The following FMNL2 variants were observed in gnomAD, a reference collection of about 807,000 sequenced individuals.
FMNL2 encodes the protein formin-like protein 2.
Under a neutral mutation model 130.2 loss-of-function variants are expected in FMNL2, and 51 were observed. The observed-to-expected ratio is 0.39, with a 90% CI of 0.31 to 0.49. The LOEUF (loss-of-function observed/expected upper bound fraction) is 0.49, where lower values mean the gene tolerates loss of function less well. Ranked by LOEUF, FMNL2 falls within the 20% of genes least tolerant of loss-of-function variation. FMNL2 has a pLI of 0.85. For synonymous variants in FMNL2, 465 were observed against 467.1 expected (o/e 1.00, Z 0.06); for missense variants, 977 against 1,316.2 (o/e 0.74, Z 3.99).
At chr2:152,531,053 G>A (rs773611103) in intron 2 of FMNL2, among the ~76,000 whole-genome samples, 1 of 152,066 alleles carries the variant, frequency 6.6e-6, no homozygotes, top group Non-Finnish European at 1.5e-5. Flanking sequence ...GCATCTTCAG[G>A]TACTAGAAAT....
intron 1 of FMNL2, among the ~76,000 whole-genome samples, chr2:152,482,320 T>A (rs1690571542): frequency 2.6e-5 from 4 of 152,346 alleles, no homozygotes; most frequent in Admixed American, 2.6e-4. Context: ...TAAATATTTA[T>A]CTTTTGGATA....
chr2:152,470,962 A>G (rs1689828527), intron 1 of FMNL2, among the ~76,000 whole-genome samples: 1 of 152,224 alleles, frequency 6.6e-6, no homozygotes, highest in Non-Finnish European at 1.5e-5. Flanking sequence ...TTTTTAAAAA[A>G]GAATTGGCCT....
intron 25 of FMNL2, chr2:152,643,457 C>T (rs761195171): frequency 5.2e-6 from 8 of 1,535,996 alleles, no homozygotes; most frequent in Admixed American, 2.0e-5. Context: ...CACCGCCAAG[C>T]GTGGCTCTCG....
intron 9 of FMNL2, among the ~76,000 whole-genome samples, chr2:152,598,398 C>T (rs1181425840): frequency 6.6e-6 from 1 of 152,100 alleles, no homozygotes; most frequent in Non-Finnish European, 1.5e-5. Flanking sequence ...TATTTAAATA[C>T]CATTCTCAGG....
At chr2:152,459,970 A>T (rs1302256511) in intron 1 of FMNL2, among the ~76,000 whole-genome samples, 1 of 152,174 alleles carries the variant, frequency 6.6e-6, no homozygotes. Context: ...AACATAGGAA[A>T]TTTTTTCATA....
chr2:152,472,720 G>A (rs1320665569), intron 1 of FMNL2, among the ~76,000 whole-genome samples: 1 of 152,118 alleles, frequency 6.6e-6, no homozygotes, highest in African/African-American at 2.4e-5. Context: ...CCAATTCCAG[G>A]GTCTCATTTG....
At chr2:152,378,898 G>A (rs1398533656) in intron 1 of FMNL2, among the ~76,000 whole-genome samples, 1 of 144,258 alleles carries the variant, frequency 6.9e-6, no homozygotes, top group Non-Finnish European at 1.5e-5. Flanking sequence ...TTAAGAGTGA[G>A]AAGAGGTGTG....
At chr2:152,558,152 A>G (rs572177669) in intron 4 of FMNL2, among the ~76,000 whole-genome samples, 1 of 152,338 alleles carries the variant, frequency 6.6e-6, no homozygotes, top group East Asian at 1.9e-4. Flanking sequence ...CCTTGATGAT[A>G]GTATGCGGTG....
chr2:152,546,283 A>G (rs149229249), intron 3 of FMNL2, among the ~76,000 whole-genome samples: 3 of 152,272 alleles, frequency 2.0e-5, no homozygotes, highest in African/African-American at 7.2e-5. Flanking sequence ...TAGGCTGTAC[A>G]GGAAGTGTGG....
At chr2:152,621,109 GAAACCCATTATCGTCCCGTGC>G in intron 15 of FMNL2, 2 of 985,430 alleles carry the variant, frequency 2.0e-6, no homozygotes, top group Non-Finnish European at 2.4e-6. Flanking sequence ...ACTGGGTGTG[GAAACCCATTATCGTCCCGTGC>G]ACCTGGCCAC....
chr2:152,536,023 T>A (rs1408552066), intron 2 of FMNL2, among the ~76,000 whole-genome samples: 3 of 152,208 alleles, frequency 2.0e-5, no homozygotes, highest in African/African-American at 7.2e-5. Flanking sequence ...GGAATCCAGG[T>A]CTATTTGTGT....
chr2:152,384,139 T>C (rs779291424), intron 1 of FMNL2, among the ~76,000 whole-genome samples: 5 of 152,220 alleles, frequency 3.3e-5, no homozygotes, highest in Admixed American at 6.5e-5. Context: ...CTCTGCAAAG[T>C]AGGCATTTTA....
rs3080598 is a variant in FMNL2, at chr2:152,607,470, T to TACACACAC, written c.951+87_951+94dup. The TACACACAC allele has an allele frequency of 3.4e-4, 213 of 618,006 alleles. 2 individuals carry two copies. Among genetic ancestry groups the TACACACAC allele is most frequent in the South Asian group, 2.3e-3 (111 of 47,662 alleles). The allele number at this position is 618,006 out of a possible 1,614,324, so 38.3% of individuals were successfully genotyped here. ...TCAGTTTCAATACTTTTTTTCTAAA[T>TACACACAC]ACACACACACACACACACACACACA... On this transcript the variant is annotated intron_variant, in intron 10 of 25. Coordinates refer to ENST00000288670, the MANE Select transcript of FMNL2 (RefSeq NM_052905.4).
intron 1 of FMNL2, among the ~76,000 whole-genome samples, chr2:152,518,085 T>A (rs530767534): frequency 6.6e-6 from 1 of 152,340 alleles, no homozygotes; most frequent in South Asian, 2.1e-4. Context: ...ATGAATTACC[T>A]GCTCAAACAT....
At chr2:152,358,465 C>T (rs1193411418) in intron 1 of FMNL2, among the ~76,000 whole-genome samples, 3 of 151,952 alleles carry the variant, frequency 2.0e-5, no homozygotes, top group Non-Finnish European at 4.4e-5. Flanking sequence ...CCCTGGCCAA[C>T]ATGGTGAAAA....
Position 152,626,583 on chromosome 2 carries a change from T to A in FMNL2, c.2021T>A (p.Ile674Asn). Reference protein sequence around the residue: ...IFKTKAQGPAIDLSSSKQKIP... With the variant: ...IFKTKAQGPANDLSSSKQKIP... ...AAGACAAAAGCCCAAGGACCTGCCA[T>A]TGATCTTTCTTCAAGCAAACAGAAG... Residue 674 changes from isoleucine to asparagine, a missense_variant, in exon 17 of 26, where the codon ATT (isoleucine) becomes AAT (asparagine). Ile to Asn is a moderately radical substitution (Grantham distance 149). Transcript: ENST00000288670. 6.2e-7 allele frequency: 1 copy of A among 1,612,558 alleles called. No individual in the cohort carries two copies. Among genetic ancestry groups the A allele is most frequent in the Non-Finnish European group, 8.5e-7 (1 of 1,179,302 alleles).
chr2:152,367,571 T>G (rs533529336), intron 1 of FMNL2, among the ~76,000 whole-genome samples: 1 of 152,306 alleles, frequency 6.6e-6, no homozygotes, highest in South Asian at 2.1e-4. Flanking sequence ...TGAGCACTGG[T>G]AATTTGTAGA....
chr2:152,373,453 A>G (rs758721554), intron 1 of FMNL2, among the ~76,000 whole-genome samples: 1 of 152,120 alleles, frequency 6.6e-6, no homozygotes, highest in Non-Finnish European at 1.5e-5. Context: ...CCCTGGATAG[A>G]GATTATAGTC....
intron 2 of FMNL2, among the ~76,000 whole-genome samples, chr2:152,540,183 A>G (rs1694231637): frequency 6.6e-6 from 1 of 152,146 alleles, no homozygotes; most frequent in South Asian, 2.1e-4. Flanking sequence ...GTTGTCATAC[A>G]TGAGGTTGGA....
Sources: allele counts gnomAD v4.1 joint callset (sites outside exome capture counted in the v4.1 genomes callset), GRCh38; gene constraint gnomAD v4.1.1; transcripts MANE v1.5; gene names NCBI Gene and HGNC (gene_info 2026-07-23, HGNC 2026-07-21).